The following DLG2 variants were observed in gnomAD, a reference collection of about 807,000 sequenced individuals.
The protein encoded by DLG2 is disks large homolog 2.
In DLG2, 45 loss-of-function variants were observed where a neutral mutation model predicts 132.5. The observed-to-expected ratio is 0.34, with a 90% CI of 0.27 to 0.44. The LOEUF (loss-of-function observed/expected upper bound fraction) is 0.44, where lower values mean the gene tolerates loss of function less well. Among genes scored for constraint, DLG2 ranks in the 20% least tolerant of loss-of-function variants. The pLI, the probability that DLG2 is intolerant of heterozygous loss-of-function variation, is 1.00. For missense variants in DLG2, 1,045 were observed against 1,196.9 expected, an observed-to-expected ratio of 0.87 and a Z score of 1.87; for synonymous variants, 424 against 419.6, an observed-to-expected ratio of 1.01 and a Z score of -0.13.
chr11:83,461,198 C>T (rs1296333647), intron 27 of DLG2, among the ~76,000 whole-genome samples: 1 of 151,404 alleles, frequency 6.6e-6, no homozygotes, highest in Admixed American at 6.6e-5. Flanking sequence ...TTAGTAGAGA[C>T]GGGGGTTTCA....
chr11:85,110,816 T>A (rs1295084799), intron 6 of DLG2, among the ~76,000 whole-genome samples: 2 of 152,154 alleles, frequency 1.3e-5, no homozygotes, highest in African/African-American at 4.8e-5. Flanking sequence ...CTCCACATAT[T>A]ACTTTTCCAT....
intron 21 of DLG2, among the ~76,000 whole-genome samples, chr11:83,507,075 A>G (rs2094741781): frequency 6.6e-6 from 1 of 152,126 alleles, no homozygotes; most frequent in African/African-American, 2.4e-5. Context: ...CAGCTTCATT[A>G]TGTTCCTTGG....
At chr11:83,790,947 A>G (rs915614965) in intron 17 of DLG2, 10 of 953,204 alleles carry the variant, frequency 1.0e-5, no homozygotes, top group Admixed American at 4.4e-5. Context: ...TCCAATAACG[A>G]CAGGCACATG....
chr11:84,546,599 ACT>A (rs2099390370), intron 6 of DLG2: 1 of 471,776 alleles, frequency 2.1e-6, no homozygotes, highest in East Asian at 5.4e-5. Context: ...TGGTTCCACG[ACT>A]CTCTCATACC....
intron 22 of DLG2, 132 bp from the exon 23 acceptor site, chr11:83,472,909 A>G (rs1240612209): frequency 1.1e-4 from 82 of 720,378 alleles, no homozygotes; most frequent in Non-Finnish European, 1.6e-4. Flanking sequence ...TGAACCATTC[A>G]AAAATAACTT....
intron 5 of DLG2, among the ~76,000 whole-genome samples, chr11:85,122,677 A>T (rs886509894): frequency 2.6e-5 from 4 of 151,942 alleles, no homozygotes; most frequent in African/African-American, 4.8e-5. Context: ...TCACACGGGG[A>T]CTAAGATCCT....
intron 4 of DLG2, among the ~76,000 whole-genome samples, chr11:85,190,382 A>G (rs2080434570): frequency 6.6e-6 from 1 of 152,180 alleles, no homozygotes; most frequent in East Asian, 1.9e-4. Context: ...GAAAGTTTAC[A>G]GCAGTGAACA....
chr11:84,152,662 A>G (rs561599297), intron 9 of DLG2, among the ~76,000 whole-genome samples: 10 of 152,200 alleles, frequency 6.6e-5, no homozygotes, highest in African/African-American at 2.4e-4. Flanking sequence ...CTGGGATTAC[A>G]GGCGTAAGCC....
At chr11:84,675,815 C>T (rs1161886404) in intron 6 of DLG2, among the ~76,000 whole-genome samples, 1 of 152,060 alleles carries the variant, frequency 6.6e-6, no homozygotes, top group East Asian at 1.9e-4. Flanking sequence ...GCCATTTGTC[C>T]AGGTTTCCCA....
At chr11:84,266,704 G>A (rs757122273) in intron 7 of DLG2, among the ~76,000 whole-genome samples, 1 of 152,302 alleles carries the variant, frequency 6.6e-6, no homozygotes, top group East Asian at 1.9e-4. Flanking sequence ...ACATATGATG[G>A]TTCAAACTAT....
chr11:84,423,164 C>G (rs1468120966), intron 7 of DLG2, among the ~76,000 whole-genome samples: 1 of 151,886 alleles, frequency 6.6e-6, no homozygotes, highest in Non-Finnish European at 1.5e-5. Flanking sequence ...GATGAAAATT[C>G]TAGAAATGGA....
chr11:84,943,468 A>G (rs1460027777), intron 6 of DLG2, among the ~76,000 whole-genome samples: 1 of 150,226 alleles, frequency 6.7e-6, no homozygotes, highest in Non-Finnish European at 1.5e-5. Context: ...GTATGTTTTA[A>G]TTTCTTTCTT....
intron 6 of DLG2, among the ~76,000 whole-genome samples, chr11:84,891,981 T>A (rs537559974): frequency 6.6e-6 from 1 of 152,320 alleles, no homozygotes; most frequent in African/African-American, 2.4e-5. Flanking sequence ...AGTCTTAATT[T>A]TATATTTATA....
In DLG2 at chr11:83,586,806, C is replaced by T. The variant is rs1275878830; in HGVS notation, c.1941-44948G>A. 2.0e-5 allele frequency among the ~76,000 whole-genome samples: 3 copies of T among 152,210 alleles called. 1 individual carries two copies. The highest frequency in any genetic ancestry group is 2.0e-4 in the Admixed American group (3 of 15,286). The stretch of plus-strand genomic sequence containing the variant: ...GAGCCAGGACTCAGTTTTACAACAT[C>T]AGGGAACCTAGCACCAAAGCTGGTG... On this transcript the variant is annotated intron_variant, in intron 19 of 27. Coordinates refer to ENST00000376104, the MANE Select transcript of DLG2 (RefSeq NM_001142699.3).
intron 6 of DLG2, among the ~76,000 whole-genome samples, chr11:84,974,372 G>T (rs1566550136): frequency 6.6e-6 from 1 of 152,292 alleles, no homozygotes; most frequent in East Asian, 1.9e-4. Context: ...TCCCAGTTCA[G>T]CCAGTTACTA....
chr11:85,184,111 G>A (rs2079920698), intron 4 of DLG2, among the ~76,000 whole-genome samples: 1 of 151,842 alleles, frequency 6.6e-6, no homozygotes, highest in South Asian at 2.1e-4. Context: ...CTTAACCCTT[G>A]GCATTCCTCT....
intron 6 of DLG2, among the ~76,000 whole-genome samples, chr11:84,832,734 T>C (rs1352896449): frequency 6.6e-6 from 1 of 151,606 alleles, no homozygotes; most frequent in Non-Finnish European, 1.5e-5. Context: ...CGACCTAAGA[T>C]TGAAAGCCAA....
At chr11:83,577,586 A>ATATATATATATATATATC (rs1315103866) in intron 19 of DLG2, among the ~76,000 whole-genome samples, 1 of 118,874 alleles carries the variant, frequency 8.4e-6, no homozygotes, top group Non-Finnish European at 1.7e-5. Flanking sequence ...ATATATATAT[A>ATATATATATATATATATC]TCCTATTTAT....
intron 6 of DLG2, among the ~76,000 whole-genome samples, chr11:84,635,765 G>A (rs562645223): frequency 1.3e-5 from 2 of 152,094 alleles, no homozygotes; most frequent in African/African-American, 2.4e-5. Flanking sequence ...AAAGCTGAGA[G>A]AAGTTAAGAA....
Sources: gnomAD v4.1 joint callset for allele counts (sites outside exome capture counted in the v4.1 genomes callset) on GRCh38, gnomAD v4.1.1 for gene constraint, MANE v1.5 for transcripts, NCBI Gene and HGNC (gene_info 2026-07-23, HGNC 2026-07-21) for gene names.